Variants in DECR1 observed in about 807,000 individuals in gnomAD.
DECR1 encodes 2,4-dienoyl-CoA reductase 1.
DECR1 carries 44 observed loss-of-function variants against 38.8 expected under a neutral mutation model. The observed-to-expected ratio is 1.13, with a 90% CI of 0.89 to 1.46. The LOEUF (loss-of-function observed/expected upper bound fraction) is 1.46, where lower values mean the gene tolerates loss of function less well. DECR1 is among the 40% of genes most tolerant of loss of function. The probability of loss-of-function intolerance (pLI) is 0.00; values close to 1 mark genes in which losing one functional copy is unlikely to be tolerated. For synonymous variants in DECR1, 148 were observed against 135.2 expected (o/e 1.09, Z -0.66); for missense variants, 428 against 405.5 (o/e 1.06, Z -0.48).
rs1166514722 is a variant in DECR1, at chr8:90,053,216, A to G, written c.*1319A>G. Among the ~76,000 whole-genome samples the G allele has an allele frequency of 6.6e-6, 1 of 152,172 alleles. No homozygotes were observed. Among genetic ancestry groups the G allele is most frequent in the African/African-American group, 2.4e-5 (1 of 41,420 alleles). ...ATTAGTCTGTTCTCATGCTGCTAAT[A>G]AAGACATAACCCAAACTGGGTAATT... On this transcript the variant is annotated 3_prime_UTR_variant, in exon 10 of 10. Transcript: ENST00000220764.
intron 5 of DECR1, among the ~76,000 whole-genome samples, chr8:90,022,882 G>A (rs1813201306): frequency 6.6e-6 from 1 of 151,412 alleles, no homozygotes; most frequent in African/African-American, 2.4e-5. Context: ...ATCTATTTTT[G>A]TTCATCACAT....
intron 8 of DECR1, among the ~76,000 whole-genome samples, chr8:90,047,850 C>CA (rs1255620512): frequency 2.6e-5 from 4 of 152,210 alleles, no homozygotes; most frequent in African/African-American, 9.7e-5. Flanking sequence ...GACCACAGTG[C>CA]AATCAAACGA....
chr8:90,021,143 G>A (rs1813150204), intron 5 of DECR1, 87 bp downstream of exon 5: 1 of 1,058,418 alleles, frequency 9.4e-7, no homozygotes, highest in South Asian at 2.0e-5. Context: ...AAAAGTCAAT[G>A]AGACAGTCTA....
chr8:90,047,737 T>C (rs11996085), intron 8 of DECR1, among the ~76,000 whole-genome samples: 26,843 of 152,172 alleles, frequency 0.18, 5,700 homozygotes, highest in African/African-American at 0.51. Flanking sequence ...ATATATTCTT[T>C]TTAGCACCAC....
chr8:90,032,004 C>T (rs1813507816), intron 5 of DECR1, among the ~76,000 whole-genome samples: 1 of 152,142 alleles, frequency 6.6e-6, no homozygotes, highest in Admixed American at 6.6e-5. Context: ...ACAAACTTAA[C>T]AGCTTAATAT....
At chr8:90,018,406 C>T (rs1225008851) in intron 2 of DECR1, among the ~76,000 whole-genome samples, 1 of 152,204 alleles carries the variant, frequency 6.6e-6, no homozygotes, top group Non-Finnish European at 1.5e-5. Context: ...GCCAAGTAGT[C>T]ATCCAAACAA....
chr8:90,026,724 C>T (rs1813353772), intron 5 of DECR1, among the ~76,000 whole-genome samples: 1 of 152,120 alleles, frequency 6.6e-6, no homozygotes, highest in Admixed American at 6.5e-5. Context: ...CTATCTCCTT[C>T]AGTTCTGCTC....
chr8:90,024,467 A>T (rs190403590), intron 5 of DECR1, among the ~76,000 whole-genome samples: 1 of 152,192 alleles, frequency 6.6e-6, no homozygotes, highest in Non-Finnish European at 1.5e-5. Context: ...TCTGATGGCC[A>T]GTGATGATGA....
At chr8:90,034,112 C>T (rs1813560760) in intron 5 of DECR1, among the ~76,000 whole-genome samples, 2 of 152,078 alleles carry the variant, frequency 1.3e-5, no homozygotes, top group African/African-American at 2.4e-5. Flanking sequence ...AAATGGTACT[C>T]CTGCCCCCTC....
At position 90,021,042 on chromosome 8, in the gene DECR1, T is replaced by C. The variant is rs1813146301; in HGVS notation, c.551T>C (p.Ile184Thr). Reference protein sequence around the residue: ...FVTLEIGKQLIKAQKGAAFLS... With the variant: ...FVTLEIGKQLTKAQKGAAFLS... ...ACACTAGAAATTGGAAAACAACTAATTAAAGCACAGAAAGGTATGTTTATT... is the reference window on the plus strand; with the variant it reads ...ACACTAGAAATTGGAAAACAACTAACTAAAGCACAGAAAGGTATGTTTATT... The change falls in exon 5 of 10, where the codon ATT becomes ACT. Residue 184 changes from isoleucine to threonine, a missense_variant. Physicochemically the swap from Ile to Thr is moderately conservative, Grantham distance 89. Coordinates refer to ENST00000220764, the MANE Select transcript of DECR1 (RefSeq NM_001359.2). 1.3e-6 allele frequency: 2 copies of C among 1,586,186 alleles called. No homozygotes were observed. The highest frequency in any genetic ancestry group is 1.7e-6 in the Non-Finnish European group (2 of 1,171,364).
chr8:90,017,384 T>C (rs1371853184), intron 2 of DECR1, 58 bp downstream of exon 2: 1 of 1,414,876 alleles, frequency 7.1e-7, no homozygotes. Flanking sequence ...TTCTGTGCCA[T>C]AGTATTGAAA....
chr8:90,002,171 G>T (rs961073116), intron 1 of DECR1, among the ~76,000 whole-genome samples: 2 of 152,182 alleles, frequency 1.3e-5, no homozygotes, highest in African/African-American at 4.8e-5. Context: ...AGGATACGGC[G>T]CCCGTCCACC....
At chr8:90,035,751 T>C (rs1362698996) in intron 5 of DECR1, among the ~76,000 whole-genome samples, 2 of 152,134 alleles carry the variant, frequency 1.3e-5, no homozygotes, top group Non-Finnish European at 2.9e-5. Context: ...GTTGTTGTTC[T>C]GTGTTTGTGT....
intron 6 of DECR1, among the ~76,000 whole-genome samples, chr8:90,037,479 G>A (rs1349917700): frequency 6.7e-6 from 1 of 148,326 alleles, no homozygotes; most frequent in African/African-American, 2.5e-5. Flanking sequence ...CAGGACTTCA[G>A]TCTGTTGCCC....
intron 1 of DECR1, chr8:90,005,632 A>AAGGCAGCTGG: frequency 2.8e-6 from 1 of 363,124 alleles, no homozygotes; most frequent in Non-Finnish European, 5.4e-6. Flanking sequence ...AACTGTTCAT[A>AAGGCAGCTGG]CCCAACGATC....
At chr8:90,016,854 G>A (rs2095709768) in intron 1 of DECR1, 1 of 368,958 alleles carries the variant, frequency 2.7e-6, no homozygotes, top group African/African-American at 2.1e-5. Context: ...TTTTGTAGAT[G>A]AAGGAACTGA....
intron 1 of DECR1, among the ~76,000 whole-genome samples, chr8:90,014,536 T>C (rs1431058472): frequency 6.6e-6 from 1 of 152,214 alleles, no homozygotes; most frequent in Admixed American, 6.5e-5. Context: ...AAAAATGTGC[T>C]ATGTAATAAC....
chr8:90,038,638 A>G (rs1199520550), intron 6 of DECR1, among the ~76,000 whole-genome samples: 1 of 151,832 alleles, frequency 6.6e-6, no homozygotes, highest in Non-Finnish European at 1.5e-5. Flanking sequence ...TTGTACTTTT[A>G]GTAGAGATGG....
intron 5 of DECR1, among the ~76,000 whole-genome samples, chr8:90,030,835 C>A (rs1813476717): frequency 6.6e-6 from 1 of 152,010 alleles, no homozygotes; most frequent in Non-Finnish European, 1.5e-5. Flanking sequence ...TTTTAGTTAT[C>A]AGTTGAAATT....
Sources: allele counts gnomAD v4.1 joint callset (sites outside exome capture counted in the v4.1 genomes callset), GRCh38; gene constraint gnomAD v4.1.1; transcripts MANE v1.5; gene names NCBI Gene and HGNC (gene_info 2026-07-23, HGNC 2026-07-21).